Variants in UAP1 observed in about 807,000 individuals in gnomAD.
The protein encoded by UAP1 is UDP-N-acetylglucosamine pyrophosphorylase 1.
UAP1 carries 25 observed loss-of-function variants against 58.5 expected under a neutral mutation model. The ratio of observed to expected loss-of-function variants is 0.43; its 90% CI spans 0.31 to 0.60. The LOEUF is 0.60. Among genes scored for constraint, UAP1 ranks in the 20% least tolerant of loss-of-function variants. The pLI, the probability that UAP1 is intolerant of heterozygous loss-of-function variation, is 0.11. For missense variants in UAP1, 575 were observed against 630.0 expected, an observed-to-expected ratio of 0.91 and a Z score of 0.93; for synonymous variants, 208 against 213.0, an observed-to-expected ratio of 0.98 and a Z score of 0.21.
chr1:162,599,304 C>T, exon 11 of UAP1: 1 of 1,612,450 alleles, frequency 6.2e-7, no homozygotes, highest in Non-Finnish European at 8.5e-7. Flanking sequence ...TAAAGAATTC[C>T]ATGCACCTCT....
chr1:162,569,259 C>T (rs1393018007), intron 2 of UAP1, among the ~76,000 whole-genome samples: 1 of 152,142 alleles, frequency 6.6e-6, no homozygotes, highest in Non-Finnish European at 1.5e-5. Context: ...TTTACTTCCC[C>T]ACACCCCCAC....
rs533344491 is a variant in UAP1, at chr1:162,563,114, T to C, written c.-58+1337T>C. Among the ~76,000 whole-genome samples the C allele has an allele frequency of 3.3e-5, 5 of 152,322 alleles. No homozygotes were observed. The South Asian group carries it at 1.0e-3, about 32-fold the overall frequency. ...TTGTCAAAATAAAAATCCATATCTT[T>C]TAACTCTTCTGTTAATTGCTGCTTA... is the stretch of plus-strand genomic sequence containing the variant. On this transcript the variant is annotated intron_variant, in intron 1 of 10. Coordinates refer to ENST00000271469, the Ensembl canonical transcript of UAP1.
intron 2 of UAP1, among the ~76,000 whole-genome samples, chr1:162,575,124 A>G (rs1403579156): frequency 3.3e-5 from 5 of 152,200 alleles, no homozygotes; most frequent in African/African-American, 4.8e-5. Context: ...GCTAGGGTGC[A>G]GTGGCACGAT....
At chr1:162,561,990 C>T (rs1476810479) in intron 1 of UAP1, among the ~76,000 whole-genome samples, 3 of 152,250 alleles carry the variant, frequency 2.0e-5, no homozygotes, top group South Asian at 4.1e-4. Flanking sequence ...GCACCCCATC[C>T]TCCGCCACCC....
intron 8 of UAP1, among the ~76,000 whole-genome samples, chr1:162,591,107 A>G (rs1347548287): frequency 1.1e-4 from 16 of 151,916 alleles, no homozygotes; most frequent in Non-Finnish European, 1.5e-5. Flanking sequence ...TTATATTTTT[A>G]GTAGAGATGG....
chr1:162,590,291 A>G, intron 7 of UAP1, 32 bp from the exon 8 acceptor site: 1 of 1,564,772 alleles, frequency 6.4e-7, no homozygotes, highest in African/African-American at 1.4e-5. Context: ...GCAGTTTCAT[A>G]ATAAAGAGGT....
At chr1:162,579,947 C>T (rs1654480740) in intron 4 of UAP1, among the ~76,000 whole-genome samples, 1 of 152,178 alleles carries the variant, frequency 6.6e-6, no homozygotes, top group South Asian at 2.1e-4. Flanking sequence ...TCACTGCAAC[C>T]TCTGCCTACT....
chr1:162,586,686 A>G (rs1654924542), intron 5 of UAP1, among the ~76,000 whole-genome samples: 1 of 152,198 alleles, frequency 6.6e-6, no homozygotes. Flanking sequence ...GTGTGGTGGC[A>G]TACCAAAATC....
At chr1:162,588,901 C>T (rs1487147698) in intron 7 of UAP1, 68 bp downstream of exon 7, 1 of 1,471,896 alleles carries the variant, frequency 6.8e-7, no homozygotes. Flanking sequence ...CTCTCTTAGG[C>T]ATGAAACTGT....
chr1:162,581,095 G>A (rs1357194318), intron 4 of UAP1, among the ~76,000 whole-genome samples, 192 bp from the exon 5 acceptor site: 6 of 152,174 alleles, frequency 3.9e-5, no homozygotes, highest in Non-Finnish European at 7.3e-5. Flanking sequence ...GATAGTTAAT[G>A]CTAAGTAACC....
intron 2 of UAP1, among the ~76,000 whole-genome samples, chr1:162,570,812 C>T (rs1653813371): frequency 1.3e-5 from 2 of 152,200 alleles, no homozygotes; most frequent in Admixed American, 6.5e-5. Context: ...GTTTACCCAA[C>T]TCCACTCATC....
At chr1:162,599,445 G>C (rs1655810413) in exon 11 of UAP1, 2 of 866,930 alleles carry the variant, frequency 2.3e-6, no homozygotes, top group Admixed American at 4.8e-5. Flanking sequence ...AGACGTCTTG[G>C]ACAACTGAAG....
At chr1:162,592,629 C>A in intron 8 of UAP1, 103 bp from the exon 9 acceptor site, 1 of 878,302 alleles carries the variant, frequency 1.1e-6, no homozygotes, top group Non-Finnish European at 1.8e-6. Context: ...TTATGATTTA[C>A]CATAAATACA....
chr1:162,579,584 C>T, exon 4 of UAP1: 2 of 1,594,346 alleles, frequency 1.3e-6, no homozygotes, highest in Admixed American at 1.8e-5. Flanking sequence ...AAGAGAAGAA[C>T]AAAGTTTCTA....
At chr1:162,590,578 C>T (rs763544626) in intron 8 of UAP1, 67 bp downstream of exon 8, 126 of 1,306,690 alleles carry the variant, frequency 9.6e-5, no homozygotes, top group Non-Finnish European at 1.2e-4. Context: ...ACTTCTCTCT[C>T]TCTCTCTCTC....
At chr1:162,588,755 A>G in exon 7 of UAP1, 8 of 1,612,882 alleles carry the variant, frequency 5.0e-6, no homozygotes, top group Non-Finnish European at 6.8e-6. Flanking sequence ...GTGGATACCC[A>G]AGGACAGTTA....
chr1:162,599,202 A>C, intron 10 of UAP1, 69 bp from the exon 11 acceptor site: 1 of 951,988 alleles, frequency 1.1e-6, no homozygotes, highest in South Asian at 1.6e-5. Flanking sequence ...AATCATCATT[A>C]TAGCAAGTCC....
intron 1 of UAP1, 55 bp from the exon 2 acceptor site, chr1:162,565,957 C>A: frequency 8.7e-7 from 1 of 1,144,844 alleles, no homozygotes; most frequent in Non-Finnish European, 1.2e-6. Context: ...GGGAAAAAAG[C>A]CCTCAATTTT....
chr1:162,565,245 C>A (rs1653417725), intron 1 of UAP1, among the ~76,000 whole-genome samples: 2 of 152,138 alleles, frequency 1.3e-5, no homozygotes, highest in South Asian at 4.1e-4. Flanking sequence ...TTGCATTTGT[C>A]TGTATTGGGC....
Sources: gnomAD v4.1 joint callset for allele counts (sites outside exome capture counted in the v4.1 genomes callset) on GRCh38, gnomAD v4.1.1 for gene constraint, MANE v1.5 for transcripts, NCBI Gene and HGNC (gene_info 2026-07-23, HGNC 2026-07-21) for gene names.